Variants in SMAD9 observed in about 807,000 individuals in gnomAD.
The protein encoded by SMAD9 is MAD homolog 9.
Under a neutral mutation model 46.1 loss-of-function variants are expected in SMAD9, and 36 were observed. The ratio of observed to expected loss-of-function variants is 0.78; its 90% confidence interval spans 0.60 to 1.03. The LOEUF is 1.03. SMAD9 is among the 50% of genes least tolerant of loss of function. The pLI is 0.00. For missense variants in SMAD9, 572 were observed against 599.8 expected (o/e 0.95, Z 0.48); for synonymous variants, 245 against 237.1 (o/e 1.03, Z -0.31).
intron 5 of SMAD9, among the ~76,000 whole-genome samples, chr13:36,853,949 G>A (rs930211274): frequency 2.6e-5 from 4 of 152,056 alleles, no homozygotes; most frequent in South Asian, 2.1e-4. Flanking sequence ...ATTTGAGGTC[G>A]GGAGTTCAAG....
chr13:36,916,592 G>A (rs1164205251), intron 1 of SMAD9, among the ~76,000 whole-genome samples: 2 of 152,100 alleles, frequency 1.3e-5, no homozygotes, highest in Admixed American at 1.3e-4. Context: ...TTTATTGATA[G>A]AGTACTATAA....
At position 36,865,657 on chromosome 13, in the gene SMAD9, T is replaced by C; in HGVS notation, c.883A>G (p.Ser295Gly). 6.2e-7 allele frequency: 1 copy of C among 1,614,160 alleles called. No individual in the cohort carries two copies. The highest frequency in any genetic ancestry group is 8.5e-7 in the Non-Finnish European group (1 of 1,180,000). The change falls in exon 5 of 7, where the codon AGT becomes GGT. Residue 295 changes from serine to glycine, a missense_variant. Physicochemically the swap from Ser to Gly is moderately conservative, Grantham distance 56. Coordinates refer to ENST00000379826, the MANE Select transcript of SMAD9 (RefSeq NM_001127217.3). ...VGETFQASSR[S>G]VLIDGFTDPS... is the part of the protein sequence containing the mutation. ...TCGGTGAACCCATCTATGAGCACAC[T>C]TCGGGAGGAAGCCTGGAATGTCTCC...
intron 1 of SMAD9, among the ~76,000 whole-genome samples, chr13:36,881,462 G>A (rs2058402172): frequency 6.6e-6 from 1 of 152,218 alleles, no homozygotes; most frequent in South Asian, 2.1e-4. Context: ...GAACAAAGGT[G>A]CCTTATAACC....
intron 3 of SMAD9, among the ~76,000 whole-genome samples, chr13:36,868,317 T>C (rs2058255574): frequency 6.6e-6 from 1 of 152,222 alleles, no homozygotes; most frequent in Non-Finnish European, 1.5e-5. Flanking sequence ...TCGTGGACCA[T>C]ACTAGGAAAC....
At chr13:36,900,070 G>A (rs929183609) in intron 1 of SMAD9, among the ~76,000 whole-genome samples, 6 of 152,076 alleles carry the variant, frequency 3.9e-5, no homozygotes. Flanking sequence ...TTACCTTCCT[G>A]CCTTCTTTTC....
chr13:36,879,749 G>C lies in SMAD9; in HGVS notation c.-60C>G, dbSNP rs1353444141. The C allele has an allele frequency of 6.3e-7, 1 of 1,597,652 alleles. No individual in the cohort carries two copies. Among genetic ancestry groups the C allele is most frequent in the African/African-American group, 1.3e-5 (1 of 74,644 alleles). Reference sequence around the variant, plus strand: ...CCGCACAGCCCTTCACGGCAAAGTGGGCGGCGAGTAGCTCTCCAGGGGTGG... The same window carrying C: ...CCGCACAGCCCTTCACGGCAAAGTGCGCGGCGAGTAGCTCTCCAGGGGTGG... On this transcript the variant is annotated 5_prime_UTR_variant, in exon 2 of 7. Coordinates refer to ENST00000379826, the MANE Select transcript of SMAD9 (RefSeq NM_001127217.3).
intron 1 of SMAD9, among the ~76,000 whole-genome samples, chr13:36,903,553 T>C (rs1400964984): frequency 6.6e-6 from 1 of 152,218 alleles, no homozygotes; most frequent in East Asian, 1.9e-4. Flanking sequence ...AAACATTTTT[T>C]TCAAAAATAA....
rs886050168 is a variant in SMAD9 at position 36,848,312 on chromosome 13, A to T, written c.*364T>A. On this transcript the variant is annotated 3_prime_UTR_variant, in exon 7 of 7. Coordinates refer to ENST00000379826, the MANE Select transcript of SMAD9 (RefSeq NM_001127217.3). Reference sequence around the variant, plus strand: ...TGCTAATACCTGACTTTTGCTGTATAAACAGTTTCAATGTTTCTGTGAGGC... The same window carrying T: ...TGCTAATACCTGACTTTTGCTGTATTAACAGTTTCAATGTTTCTGTGAGGC... 2.3e-5 allele frequency: 6 copies of T among 265,324 alleles called. No homozygotes were observed. In the South Asian group the frequency reaches 2.8e-4, roughly 12 times the overall value. The allele number at this position is 265,324 out of a possible 1,614,324, so 16.4% of individuals were successfully genotyped here.
At chr13:36,907,532 A>C (rs2058629047) in intron 1 of SMAD9, among the ~76,000 whole-genome samples, 1 of 152,136 alleles carries the variant, frequency 6.6e-6, no homozygotes, top group Non-Finnish European at 1.5e-5. Flanking sequence ...TTGATTAGCC[A>C]GGCGTGGTGG....
At chr13:36,872,529 G>A in intron 3 of SMAD9, 129 bp downstream of exon 3, 1 of 1,099,226 alleles carries the variant, frequency 9.1e-7, no homozygotes, top group South Asian at 1.3e-5. Context: ...TTTTAAGGCT[G>A]ATTGCTTTGT....
chr13:36,872,625 C>A (rs116137051), intron 3 of SMAD9, 33 bp downstream of exon 3: 1 of 1,612,128 alleles, frequency 6.2e-7, no homozygotes, highest in Non-Finnish European at 8.5e-7. Flanking sequence ...CTTATTTTCC[C>A]GTATTTCCCC....
intron 1 of SMAD9, among the ~76,000 whole-genome samples, chr13:36,897,999 G>C (rs1389094060): frequency 1.3e-5 from 2 of 151,844 alleles, no homozygotes. Flanking sequence ...TAGGACTACA[G>C]GCGCCCGCCA....
intron 1 of SMAD9, among the ~76,000 whole-genome samples, chr13:36,888,284 G>A (rs1479362238): frequency 1.3e-5 from 2 of 152,122 alleles, no homozygotes; most frequent in Non-Finnish European, 2.9e-5. Context: ...GAGTTCTCAT[G>A]AGATCTGCTT....
chr13:36,910,196 CAA>C (rs367794803), intron 1 of SMAD9, among the ~76,000 whole-genome samples: 4 of 119,266 alleles, frequency 3.4e-5, no homozygotes, highest in African/African-American at 6.4e-5. Context: ...GACTCCGTCT[CAA>C]AAAAAAAAAA....
At chr13:36,853,720 G>A (rs2058096083) in intron 5 of SMAD9, 45 bp from the exon 6 acceptor site, 1 of 1,607,656 alleles carries the variant, frequency 6.2e-7, no homozygotes, top group Admixed American at 1.7e-5. Flanking sequence ...CCCTTTCATA[G>A]CGTGCCTCTC....
intron 1 of SMAD9, among the ~76,000 whole-genome samples, chr13:36,890,774 G>A (rs946979787): frequency 4.0e-5 from 6 of 151,854 alleles, no homozygotes; most frequent in South Asian, 2.1e-4. Flanking sequence ...GTATGCACTC[G>A]TACCCTCTCT....
intron 5 of SMAD9, among the ~76,000 whole-genome samples, chr13:36,862,081 T>C (rs541645256): frequency 6.6e-6 from 1 of 152,008 alleles, no homozygotes; most frequent in Non-Finnish European, 1.5e-5. Context: ...ATGGACCCCC[T>C]CTCCTCAGCC....
chr13:36,850,864 T>C (rs1286637385), intron 6 of SMAD9, among the ~76,000 whole-genome samples: 2 of 152,206 alleles, frequency 1.3e-5, no homozygotes, highest in African/African-American at 2.4e-5. Flanking sequence ...CAATTACACC[T>C]GCGTCTTCTC....
At chr13:36,903,119 T>C (rs866074444) in intron 1 of SMAD9, among the ~76,000 whole-genome samples, 5 of 142,136 alleles carry the variant, frequency 3.5e-5, no homozygotes, top group Admixed American at 7.2e-5. Flanking sequence ...TCTTTTTTTT[T>C]CTTTTGGTTT....
Sources: gnomAD v4.1 joint callset for allele counts (sites outside exome capture counted in the v4.1 genomes callset) on GRCh38, gnomAD v4.1.1 for gene constraint, MANE v1.5 for transcripts, NCBI Gene and HGNC (gene_info 2026-07-23, HGNC 2026-07-21) for gene names.